Variants in CSMD1 observed in about 807,000 individuals in gnomAD.
CSMD1 encodes CUB and sushi domain-containing protein 1.
A neutral mutation model predicts 417.5 loss-of-function variants in CSMD1; 213 were observed. The observed-to-expected ratio is 0.51, with a 90% CI of 0.46 to 0.57. CSMD1 has a LOEUF of 0.57. CSMD1 is among the 20% of genes least tolerant of loss of function. The pLI, the probability that CSMD1 is intolerant of heterozygous loss-of-function variation, is 0.00. For missense variants in CSMD1, 6,923 were observed against 4,529.7 expected, an observed-to-expected ratio of 1.53 and a Z score of -15.17; for synonymous variants, 2,862 against 1,736.8, an observed-to-expected ratio of 1.65 and a Z score of -16.11.
intron 1 of CSMD1, among the ~76,000 whole-genome samples, chr8:4,653,656 T>G (rs1241278048): frequency 6.6e-6 from 1 of 152,118 alleles, no homozygotes; most frequent in Non-Finnish European, 1.5e-5. Flanking sequence ...GATCTCATTG[T>G]GATCCCCAGG....
chr8:3,565,197 G>GAT (rs1239486308), intron 10 of CSMD1, among the ~76,000 whole-genome samples: 1 of 87,636 alleles, frequency 1.1e-5, no homozygotes, highest in African/African-American at 4.0e-5. Context: ...TACATAGATA[G>GAT]ACAGATAGAT....
intron 26 of CSMD1, chr8:3,278,689 A>G (rs766185266): frequency 2.0e-5 from 3 of 152,192 alleles, no homozygotes; most frequent in Non-Finnish European, 4.4e-5. Flanking sequence ...AAAGACAAAA[A>G]AATGAGAGAT....
intron 54 of CSMD1, among the ~76,000 whole-genome samples, chr8:2,991,341 T>C (rs2128948115): frequency 6.6e-6 from 1 of 152,362 alleles, no homozygotes; most frequent in Non-Finnish European, 1.5e-5. Context: ...ACACTAAATA[T>C]ACATCTACGA....
intron 50 of CSMD1, among the ~76,000 whole-genome samples, chr8:3,038,357 G>A (rs1810833510): frequency 2.6e-5 from 4 of 152,142 alleles, no homozygotes; most frequent in Admixed American, 2.6e-4. Context: ...CAACCCCTGG[G>A]AAGGATTTTG....
chr8:3,067,627 T>C (rs1330807183), intron 49 of CSMD1, among the ~76,000 whole-genome samples: 2 of 147,186 alleles, frequency 1.4e-5, no homozygotes, highest in East Asian at 3.9e-4. Context: ...TATAAATATA[T>C]AATAACATTG....
At chr8:4,865,241 C>G (rs948862992) in intron 1 of CSMD1, among the ~76,000 whole-genome samples, 3 of 151,726 alleles carry the variant, frequency 2.0e-5, no homozygotes, top group East Asian at 1.9e-4. Flanking sequence ...AATACTTGTA[C>G]CAACATAAAA....
chr8:3,423,818 C>A (rs1013394794), intron 12 of CSMD1, among the ~76,000 whole-genome samples: 6 of 152,248 alleles, frequency 3.9e-5, no homozygotes, highest in African/African-American at 1.4e-4. Flanking sequence ...CCCTCAGCGA[C>A]CTTGTCTCTC....
At chr8:4,768,199 C>G (rs1812598838) in intron 1 of CSMD1, among the ~76,000 whole-genome samples, 1 of 152,038 alleles carries the variant, frequency 6.6e-6, no homozygotes, top group African/African-American at 2.4e-5. Flanking sequence ...TGGGAAGATG[C>G]CTTTTATGTT....
At chr8:4,119,404 A>G (rs1207338245) in intron 3 of CSMD1, among the ~76,000 whole-genome samples, 3 of 152,216 alleles carry the variant, frequency 2.0e-5, no homozygotes, top group African/African-American at 4.8e-5. Context: ...TACTGTTTTC[A>G]GTTAGAAATC....
chr8:4,260,990 G>A (rs73660716), intron 3 of CSMD1, among the ~76,000 whole-genome samples: 1,521 of 152,036 alleles, frequency 0.01, 25 homozygotes, highest in African/African-American at 0.035. Flanking sequence ...TGTAAACAAC[G>A]TATCATTCAA....
At chr8:4,660,427 T>A (rs868779458) in intron 1 of CSMD1, among the ~76,000 whole-genome samples, 2 of 151,862 alleles carry the variant, frequency 1.3e-5, no homozygotes, top group African/African-American at 4.8e-5. Context: ...AAAGTAAACA[T>A]AGGAAAGATA....
rs529785997 is a variant in CSMD1 at position 3,609,419 on chromosome 8, T to C, written c.1097+7291A>G. ...GGTGAAAAATACTGTCAGCAAACTG[T>C]CCCCAAACTGACTTGAATTCAAATA... On this transcript the variant is annotated intron_variant, in intron 8 of 69. Transcript: ENST00000635120. 3.3e-5 allele frequency among the ~76,000 whole-genome samples: 5 copies of C among 152,348 alleles called. No individual in the cohort carries two copies. The South Asian group carries it at 1.0e-3, about 32-fold the overall frequency.
intron 8 of CSMD1, among the ~76,000 whole-genome samples, chr8:3,600,889 T>A (rs1801330264): frequency 6.6e-6 from 1 of 152,178 alleles, no homozygotes. Context: ...ATGATTTCAA[T>A]ACAATAAAAA....
In CSMD1 at chr8:3,043,705, C is replaced by T. The variant is rs529647894; in HGVS notation, c.7660+8757G>A. The T allele has an allele frequency of 4.6e-5, 7 of 152,188 alleles. No individual in the cohort carries two copies. The East Asian group carries it at 9.7e-4, about 21-fold the overall frequency. The allele number at this position is 152,188 out of a possible 1,614,324, so 9.4% of individuals were successfully genotyped here. On this transcript the variant is annotated intron_variant, in intron 50 of 69. Coordinates refer to ENST00000635120, the MANE Select transcript of CSMD1 (RefSeq NM_033225.6). ...ACACATTTATTAAACATATTATTAA[C>T]TGAAAAACAACATACCAGTTTATTT...
chr8:4,674,559 A>G (rs1174540839), intron 1 of CSMD1, among the ~76,000 whole-genome samples: 1 of 152,168 alleles, frequency 6.6e-6, no homozygotes, highest in Non-Finnish European at 1.5e-5. Context: ...AGTATTGAAC[A>G]AAGATGTACC....
chr8:4,670,835 G>C (rs997990813), intron 1 of CSMD1, among the ~76,000 whole-genome samples: 1 of 152,162 alleles, frequency 6.6e-6, no homozygotes, highest in Non-Finnish European at 1.5e-5. Context: ...TTTCTTAGAA[G>C]AGCAAAAGAA....
At chr8:3,185,842 A>C (rs1821718706) in intron 36 of CSMD1, among the ~76,000 whole-genome samples, 1 of 152,212 alleles carries the variant, frequency 6.6e-6, no homozygotes, top group African/African-American at 2.4e-5. Flanking sequence ...AAATCTCTAC[A>C]AACTAAAAGA....
intron 3 of CSMD1, among the ~76,000 whole-genome samples, chr8:4,152,899 T>A (rs901962185): frequency 6.6e-6 from 1 of 152,158 alleles, no homozygotes; most frequent in Non-Finnish European, 1.5e-5. Context: ...TTAAGATTTT[T>A]CTCAAAAACT....
At chr8:3,502,627 C>T (rs4875727) in intron 10 of CSMD1, among the ~76,000 whole-genome samples, 108,855 of 152,000 alleles carry the variant, frequency 0.72, 39,433 homozygotes, top group African/African-American at 0.82. Flanking sequence ...TGACGTGTTG[C>T]AACATTTCAA....
Sources: gnomAD v4.1 joint callset for allele counts (sites outside exome capture counted in the v4.1 genomes callset) on GRCh38, gnomAD v4.1.1 for gene constraint, MANE v1.5 for transcripts, NCBI Gene and HGNC (gene_info 2026-07-23, HGNC 2026-07-21) for gene names.